The following ZBED6 variants were observed in gnomAD, a reference collection of about 807,000 sequenced individuals.
The protein encoded by ZBED6 is zinc finger BED-type containing 6, also known as zinc finger BED domain-containing protein 6.
ZBED6 carries 40 observed loss-of-function variants against 58.4 expected under a neutral mutation model. The observed-to-expected ratio is 0.68, with a 90% CI of 0.53 to 0.89. The LOEUF is 0.89. Ranked by LOEUF, ZBED6 falls within the 40% of genes least tolerant of loss-of-function variation. The pLI is 0.00. For synonymous variants in ZBED6, 439 were observed against 350.6 expected (o/e 1.25, Z -2.82); for missense variants, 1,057 against 1,003.9 (o/e 1.05, Z -0.71).
At chr1:203,802,364 G>A (rs1008993609) in exon 1 of ZBED6, 1 of 152,344 alleles carries the variant, frequency 6.6e-6, no homozygotes, top group African/African-American at 2.4e-5. Flanking sequence ...CAAATCTAAA[G>A]TCTTTTATAG....
At chr1:203,800,196 A>G in exon 1 of ZBED6, 1 of 1,512,418 alleles carries the variant, frequency 6.6e-7, no homozygotes, top group Non-Finnish European at 8.9e-7. Flanking sequence ...GCAGAGGAAG[A>G]TAAGCATATG....
intron 3 of ZBED6, among the ~76,000 whole-genome samples, chr1:203,827,220 T>C (rs189413842): frequency 4.0e-4 from 61 of 152,326 alleles, no homozygotes; most frequent in East Asian, 1.9e-4. Context: ...TGCAAAATTA[T>C]AGAGCTATTG....
intron 8 of ZBED6, 128 bp from the exon 9 acceptor site, chr1:203,833,663 G>C: frequency 2.3e-6 from 1 of 443,824 alleles, no homozygotes; most frequent in South Asian, 5.4e-5. Flanking sequence ...TTAAGACTGA[G>C]ACCTGATTTT....
At chr1:203,806,230 G>T in intron 1 of ZBED6, 1 of 370,008 alleles carries the variant, frequency 2.7e-6, no homozygotes, top group South Asian at 2.2e-5. Flanking sequence ...GGGCAGCGGA[G>T]CCTTAATTTC....
chr1:203,830,930 T>TTTTTA (rs1682093534), intron 7 of ZBED6, among the ~76,000 whole-genome samples: 1 of 74,812 alleles, frequency 1.3e-5, no homozygotes, highest in Admixed American at 1.1e-4. Context: ...CCCCAATTTT[T>TTTTTA]TTTTTTTTTT....
At chr1:203,817,649 T>A (rs543824079) in intron 2 of ZBED6, among the ~76,000 whole-genome samples, 1 of 152,248 alleles carries the variant, frequency 6.6e-6, no homozygotes, top group Admixed American at 6.5e-5. Context: ...TCCTTGATTC[T>A]TTTGCAGCTC....
intron 12 of ZBED6, 125 bp from the exon 13 acceptor site, chr1:203,848,206 G>T: frequency 3.7e-6 from 3 of 801,624 alleles, no homozygotes; most frequent in Non-Finnish European, 6.0e-6. Context: ...AGCACAGATG[G>T]GCTTTATCTG....
intron 11 of ZBED6, among the ~76,000 whole-genome samples, chr1:203,842,469 G>A (rs186522199): frequency 3.3e-3 from 502 of 152,088 alleles, no homozygotes; most frequent in Non-Finnish European, 4.8e-3. Flanking sequence ...GTGGCGGCGC[G>A]CGCCTGCAAT....
intron 1 of ZBED6, among the ~76,000 whole-genome samples, chr1:203,812,242 A>G (rs1333890974): frequency 6.6e-6 from 1 of 152,136 alleles, no homozygotes; most frequent in Admixed American, 6.6e-5. Flanking sequence ...CCTAGTATCT[A>G]TTAGTTGTTT....
chr1:203,837,697 C>G (rs768182018), intron 9 of ZBED6, among the ~76,000 whole-genome samples: 10 of 152,036 alleles, frequency 6.6e-5, no homozygotes, highest in Non-Finnish European at 1.5e-4. Flanking sequence ...AGGCTGGTCT[C>G]GAACTCCTGG....
chr1:203,850,182 CA>C (rs1235213505), intron 14 of ZBED6, 156 bp downstream of exon 14: 3 of 713,978 alleles, frequency 4.2e-6, no homozygotes, highest in African/African-American at 1.8e-5. Context: ...TATACAGAGG[CA>C]AAACGAGATG....
chr1:203,819,089 TACACACACAC>T lies in ZBED6; in HGVS notation c.*2873+421_*2873+430del, dbSNP rs200302232. Among the ~76,000 whole-genome samples, 68 of 141,004 alleles carry T rather than the reference TACACACACAC, an allele frequency of 4.8e-4. 1 individual carries two copies. The highest frequency in any genetic ancestry group is 2.6e-3 in the Admixed American group (37 of 14,030). The allele number at this position is 141,004 out of a possible 152,430, so 92.5% of individuals were successfully genotyped here. On this transcript the variant is annotated intron_variant, in intron 3 of 16. Coordinates refer to ENST00000550078, the Ensembl canonical transcript of ZBED6. ...TCTCAAAAAAAAAAATATATATATA[TACACACACAC>T]ACACACACACACACACACACGTGTA... is the stretch of plus-strand genomic sequence containing the variant.
intron 3 of ZBED6, among the ~76,000 whole-genome samples, chr1:203,819,089 T>TACACACACACAC (rs200302232): frequency 1.7e-4 from 24 of 140,958 alleles, no homozygotes; most frequent in African/African-American, 5.4e-4. Flanking sequence ...TATATATATA[T>TACACACACACAC]ACACACACAC....
chr1:203,824,651 G>A (rs1679901470), intron 3 of ZBED6, among the ~76,000 whole-genome samples: 1 of 151,950 alleles, frequency 6.6e-6, no homozygotes, highest in African/African-American at 2.4e-5. Flanking sequence ...GTAAACAAGT[G>A]TCCTTTTCAT....
At chr1:203,832,381 G>A (rs1015308835) in intron 8 of ZBED6, among the ~76,000 whole-genome samples, 4 of 149,430 alleles carry the variant, frequency 2.7e-5, no homozygotes, top group Non-Finnish European at 4.4e-5. Context: ...TTTTTTTTTA[G>A]ATGGAGTCTT....
At position 203,816,054 on chromosome 1, in the gene ZBED6, G is replaced by A. The variant is rs1676273282; in HGVS notation, c.*2555-872G>A. 2.6e-5 allele frequency among the ~76,000 whole-genome samples: 4 copies of A among 152,138 alleles called. No homozygotes were observed. The South Asian group carries it at 6.2e-4, about 24-fold the overall frequency. Reference sequence around the variant, plus strand: ...CGTCTTCATTAACGTAAGCTAGATCGATAGACCTTTTCAGAAGTAATTGTT... The same window carrying A: ...CGTCTTCATTAACGTAAGCTAGATCAATAGACCTTTTCAGAAGTAATTGTT... On this transcript the variant is annotated intron_variant, in intron 1 of 16. Transcript: ENST00000550078.
At chr1:203,851,381 G>T (rs1190212408) in intron 16 of ZBED6, among the ~76,000 whole-genome samples, 1 of 152,176 alleles carries the variant, frequency 6.6e-6, no homozygotes, top group Non-Finnish European at 1.5e-5. Context: ...CCAGACTGGA[G>T]TGCAGTGGCA....
At chr1:203,828,332 A>G (rs775708700) in exon 4 of ZBED6, 2 of 1,614,130 alleles carry the variant, frequency 1.2e-6, no homozygotes, top group Admixed American at 1.7e-5. Flanking sequence ...TTATTGGGAA[A>G]ATCAGCCAAC....
intron 3 of ZBED6, 124 bp from the exon 4 acceptor site, chr1:203,828,175 A>G (rs905758061): frequency 3.7e-6 from 4 of 1,075,234 alleles, no homozygotes; most frequent in Non-Finnish European, 5.4e-6. Context: ...CCTTCTAAAA[A>G]TCATCTCATC....
Sources: gnomAD v4.1 joint callset for allele counts (sites outside exome capture counted in the v4.1 genomes callset) on GRCh38, gnomAD v4.1.1 for gene constraint, MANE v1.5 for transcripts, NCBI Gene and HGNC (gene_info 2026-07-23, HGNC 2026-07-21) for gene names.